XKR4: variants seen among roughly 807,000 people sequenced by gnomAD.
The protein encoded by XKR4 is XK related 4.
Under a neutral mutation model 53.9 loss-of-function variants are expected in XKR4, and 12 were observed. The observed-to-expected ratio is 0.22, with a 90% confidence interval of 0.14 to 0.36. XKR4 has a LOEUF of 0.36. Among genes scored for constraint, XKR4 ranks in the 10% least tolerant of loss-of-function variants. The pLI, the probability that XKR4 is intolerant of heterozygous loss-of-function variation, is 1.00. For missense variants in XKR4, 799 were observed against 859.5 expected (o/e 0.93, Z 0.88); for synonymous variants, 354 against 362.4 (o/e 0.98, Z 0.26).
At chr8:55,321,118 C>T (rs959401535) in intron 1 of XKR4, among the ~76,000 whole-genome samples, 2 of 152,086 alleles carry the variant, frequency 1.3e-5, no homozygotes, top group Non-Finnish European at 2.9e-5. Flanking sequence ...AAACATTCTG[C>T]CTGGCTTTAT....
At chr8:55,464,902 T>TA (rs1411580403) in intron 2 of XKR4, among the ~76,000 whole-genome samples, 3 of 151,970 alleles carry the variant, frequency 2.0e-5, no homozygotes, top group Non-Finnish European at 4.4e-5. Context: ...TCAAAGAGAA[T>TA]AAAATACCTA....
rs1806951550 is a variant in XKR4 at position 55,531,444 on chromosome 8, G to A, written c.*7217G>A. 6.6e-6 allele frequency: 1 copy of A among 151,874 alleles called. No individual in the cohort carries two copies. The highest frequency in any genetic ancestry group is 1.5e-5 in the Non-Finnish European group (1 of 68,004). The allele number at this position is 151,874 out of a possible 1,614,324, so 9.4% of individuals were successfully genotyped here. On this transcript the variant is annotated 3_prime_UTR_variant, in exon 3 of 3. Coordinates refer to ENST00000327381, the MANE Select transcript of XKR4 (RefSeq NM_052898.2). The stretch of plus-strand genomic sequence containing the variant: ...CAAAATGCCATTGTGTGGCATGTGA[G>A]CCTTACAATATACAATTAACATATG...
At chr8:55,146,147 G>C (rs1816770651) in intron 1 of XKR4, among the ~76,000 whole-genome samples, 1 of 152,156 alleles carries the variant, frequency 6.6e-6, no homozygotes, top group Admixed American at 6.5e-5. Flanking sequence ...AATTTGACTT[G>C]ACTACTAGTG....
intron 2 of XKR4, among the ~76,000 whole-genome samples, chr8:55,491,801 A>G (rs60522729): frequency 0.054 from 8,255 of 152,132 alleles, 617 homozygotes; most frequent in East Asian, 0.27. Context: ...GGCTTCTTTT[A>G]TTTTGGATGG....
intron 1 of XKR4, among the ~76,000 whole-genome samples, chr8:55,223,896 G>A (rs1817917364): frequency 6.6e-6 from 1 of 152,086 alleles, no homozygotes; most frequent in Non-Finnish European, 1.5e-5. Flanking sequence ...CTTTCTGCTA[G>A]TGAGCAGAAA....
At chr8:55,153,597 C>T (rs763310667) in intron 1 of XKR4, among the ~76,000 whole-genome samples, 4 of 152,172 alleles carry the variant, frequency 2.6e-5, no homozygotes, top group East Asian at 1.9e-4. Context: ...CTTTATGATA[C>T]GTGATGAACC....
chr8:55,170,646 A>C (rs559666707), intron 1 of XKR4, among the ~76,000 whole-genome samples: 1 of 152,030 alleles, frequency 6.6e-6, no homozygotes, highest in Non-Finnish European at 1.5e-5. Context: ...ATTAATGCAG[A>C]TATGCATGAG....
chr8:55,198,130 T>C (rs547637830), intron 1 of XKR4, among the ~76,000 whole-genome samples: 1 of 152,320 alleles, frequency 6.6e-6, no homozygotes, highest in Non-Finnish European at 1.5e-5. Flanking sequence ...TTGATTCCAA[T>C]TTGGCAGCCA....
At chr8:55,143,606 T>C (rs896410059) in intron 1 of XKR4, among the ~76,000 whole-genome samples, 1 of 152,130 alleles carries the variant, frequency 6.6e-6, no homozygotes, top group Admixed American at 6.5e-5. Flanking sequence ...ACAGAAGAGA[T>C]TATAATTTTT....
At chr8:55,107,388 C>T (rs1014979692) in intron 1 of XKR4, among the ~76,000 whole-genome samples, 27 of 152,150 alleles carry the variant, frequency 1.8e-4, no homozygotes, top group Admixed American at 7.2e-4. Flanking sequence ...ATAATGATGA[C>T]AACAATGTAT....
chr8:55,207,631 C>T (rs146852192), intron 1 of XKR4, among the ~76,000 whole-genome samples: 13 of 3,154 alleles, frequency 4.1e-3, no homozygotes, highest in African/African-American at 8.9e-3. Flanking sequence ...CACACACATG[C>T]GCGCGCACAC....
intron 1 of XKR4, among the ~76,000 whole-genome samples, chr8:55,274,415 T>A (rs1218845429): frequency 6.6e-6 from 1 of 151,908 alleles, no homozygotes; most frequent in Non-Finnish European, 1.5e-5. Context: ...TTGTTGAATA[T>A]ATCTGTGGGT....
At chr8:55,455,247 G>A (rs907797718) in intron 2 of XKR4, 7 of 183,822 alleles carry the variant, frequency 3.8e-5, no homozygotes, top group Non-Finnish European at 2.2e-5. Flanking sequence ...GGTTCGCTCC[G>A]CGGCGGCCGC....
At chr8:55,431,038 A>G (rs1216999799) in intron 2 of XKR4, among the ~76,000 whole-genome samples, 1 of 152,198 alleles carries the variant, frequency 6.6e-6, no homozygotes, top group Non-Finnish European at 1.5e-5. Context: ...ATCTCTCCAT[A>G]TTATTTCTTA....
At chr8:55,489,030 A>C (rs4737329) in intron 2 of XKR4, among the ~76,000 whole-genome samples, 1 of 151,384 alleles carries the variant, frequency 6.6e-6, no homozygotes, top group Non-Finnish European at 1.5e-5. Flanking sequence ...AGATTCTCAG[A>C]GCAGTAAAAC....
chr8:55,357,734 G>C lies in XKR4; in HGVS notation c.863G>C (p.Arg288Thr), dbSNP rs780824261. ...IRSRQSGEND[R>T]WRFYWKMVYE... ...AGCCGACAGAGTGGGGAGAATGACA[G>C]ATGGAGGTTTTACTGGAAAATGGTA... Residue 288 changes from arginine to threonine, a missense_variant, in exon 2 of 3, where the codon AGA becomes ACA. By Grantham distance (71) the Arg-to-Thr change is moderately conservative. Around this residue, in one of 3 missense-constraint regions of XKR4, gnomAD observed 476 missense variants for 505.4 expected, o/e 0.94. Coordinates refer to ENST00000327381, the MANE Select transcript of XKR4 (RefSeq NM_052898.2). 6 of 1,614,242 alleles carry C rather than the reference G, an allele frequency of 3.7e-6. No individual in the cohort carries two copies. The highest frequency in any genetic ancestry group is 2.2e-5 in the South Asian group (2 of 91,084).
In XKR4 at chr8:55,538,430, C is replaced by T. The variant is rs1208093056; in HGVS notation, c.*14203C>T. 6.6e-6 allele frequency: 1 copy of T among 152,240 alleles called. No homozygotes were observed. Among genetic ancestry groups the T allele is most frequent in the African/African-American group, 2.4e-5 (1 of 41,444 alleles). The allele number at this position is 152,240 out of a possible 1,614,324, so 9.4% of individuals were successfully genotyped here. A position where few individuals can be genotyped will look rare whatever the true frequency, so the allele number is the denominator to read the frequency against. ...AGGAAGTGGAGTCTGAGGAATACAA[C>T]AGCAACAACTCACCAAGCAGAGAAT... On this transcript the variant is annotated 3_prime_UTR_variant, in exon 3 of 3. Coordinates refer to ENST00000327381, the MANE Select transcript of XKR4 (RefSeq NM_052898.2).
At chr8:55,187,693 G>A (rs752520654) in intron 1 of XKR4, among the ~76,000 whole-genome samples, 5 of 152,228 alleles carry the variant, frequency 3.3e-5, no homozygotes, top group Non-Finnish European at 7.4e-5. Context: ...GATGTTTTAT[G>A]TTTTCTTAGC....
intron 1 of XKR4, among the ~76,000 whole-genome samples, chr8:55,275,011 A>T (rs1818745307): frequency 6.6e-6 from 1 of 152,202 alleles, no homozygotes; most frequent in Non-Finnish European, 1.5e-5. Context: ...AAAATATTAG[A>T]AAACTGGAAT....
Sources: allele counts gnomAD v4.1 joint callset (sites outside exome capture counted in the v4.1 genomes callset), GRCh38; gene constraint gnomAD v4.1.1; regional missense constraint gnomAD v4.1.1; transcripts MANE v1.5; gene names NCBI Gene and HGNC (gene_info 2026-07-23, HGNC 2026-07-21).